CACNA1S: variants seen among roughly 807,000 people sequenced by gnomAD.
CACNA1S encodes calcium voltage-gated channel subunit alpha1 S, also known as voltage-dependent L-type calcium channel subunit alpha-1S.
Under a neutral mutation model 207.4 loss-of-function variants are expected in CACNA1S, and 126 were observed. That is an observed-to-expected ratio of 0.61 (90% confidence interval 0.53 to 0.70). The LOEUF (loss-of-function observed/expected upper bound fraction) is 0.70, where lower values mean the gene tolerates loss of function less well. Among genes scored for constraint, CACNA1S ranks in the 30% least tolerant of loss-of-function variants. The probability of loss-of-function intolerance (pLI) is 0.00; values close to 1 mark genes in which losing one functional copy is unlikely to be tolerated. For synonymous variants in CACNA1S, 960 were observed against 932.7 expected (o/e 1.03, Z -0.53); for missense variants, 2,349 against 2,422.8 (o/e 0.97, Z 0.64).
At chr1:201,062,577 T>G in intron 22 of CACNA1S, 63 bp from the exon 23 acceptor site, 1 of 1,509,514 alleles carries the variant, frequency 6.6e-7, no homozygotes, top group Non-Finnish European at 9.1e-7. Context: ...GATAGAAAAG[T>G]GGGCTCTGGG....
chr1:201,069,559 A>G lies in CACNA1S; in HGVS notation c.2403T>C (p.Phe801=), dbSNP rs7415038. The G allele has an allele frequency of 0.42, 657,909 of 1,570,430 alleles. 147,909 individuals are homozygous for G. The highest frequency in any genetic ancestry group is 0.53 in the African/African-American group (39,466 of 74,480). ...LCHRIVNATW[F]TNFILLFILL... Reference sequence around the variant, plus strand: ...GGATGAAGAGCAGGATGAAGTTGGTAAACCAGGTGGCATTGACGATGCGGT... The same window carrying G: ...GGATGAAGAGCAGGATGAAGTTGGTGAACCAGGTGGCATTGACGATGCGGT... Residue 801 remains phenylalanine, a synonymous_variant, in exon 18 of 44, where the codon TTT becomes TTC. Coordinates refer to ENST00000362061, the MANE Select transcript of CACNA1S (RefSeq NM_000069.3).
intron 2 of CACNA1S, among the ~76,000 whole-genome samples, chr1:201,102,757 G>C (rs1444256383): frequency 6.6e-6 from 1 of 152,204 alleles, no homozygotes; most frequent in Non-Finnish European, 1.5e-5. Context: ...TAGACAGTTT[G>C]ATTCCAGACT....
chr1:201,060,049 C>T (rs552649646), intron 26 of CACNA1S, among the ~76,000 whole-genome samples: 6 of 152,324 alleles, frequency 3.9e-5, no homozygotes, highest in Admixed American at 1.3e-4. Context: ...TGATCCTCTG[C>T]GACCTGGGCC....
chr1:201,100,329 G>A (rs113050401), intron 2 of CACNA1S, among the ~76,000 whole-genome samples: 183 of 152,356 alleles, frequency 1.2e-3, no homozygotes, highest in Non-Finnish European at 2.1e-3. Context: ...AAGCAACAGC[G>A]TTTCTGGTAG....
At chr1:201,085,168 T>G in intron 8 of CACNA1S, 137 bp from the exon 9 acceptor site, 1 of 766,676 alleles carries the variant, frequency 1.3e-6, no homozygotes, top group East Asian at 2.5e-5. Context: ...CTGGATTGCT[T>G]CGTGCTTTCC....
chr1:201,046,545 T>G (rs1254019222), intron 38 of CACNA1S, among the ~76,000 whole-genome samples: 1 of 147,370 alleles, frequency 6.8e-6, no homozygotes, highest in African/African-American at 2.6e-5. Flanking sequence ...GAACTGTTCT[T>G]TTTTTTTTTT....
At chr1:201,088,735 T>C (rs1662119352) in intron 6 of CACNA1S, among the ~76,000 whole-genome samples, 1 of 152,202 alleles carries the variant, frequency 6.6e-6, no homozygotes, top group Admixed American at 6.5e-5. Context: ...AAACACCAAA[T>C]AAATAATATA....
intron 36 of CACNA1S, 75 bp downstream of exon 36, chr1:201,048,507 G>C: frequency 7.9e-7 from 1 of 1,259,952 alleles, no homozygotes; most frequent in Middle Eastern, 1.9e-4. Flanking sequence ...CTTGAGCTCT[G>C]AGAATCTGGC....
Position 201,062,428 on chromosome 1 carries a change from G to A in CACNA1S, c.2906+34C>T, listed in dbSNP as rs368246614. On this transcript the variant is annotated intron_variant, in intron 23 of 43. Transcript: ENST00000362061. Reference sequence around the variant, plus strand: ...ACTGTCCCACCATGCTCCCTGCCCCGTGACCGTCCCACTGTGCTCCCTGCC... The same window carrying A: ...ACTGTCCCACCATGCTCCCTGCCCCATGACCGTCCCACTGTGCTCCCTGCC... 83 of 1,604,930 alleles carry A rather than the reference G, an allele frequency of 5.2e-5. 1 individual carries two copies. The highest frequency in any genetic ancestry group is 4.2e-4 in the South Asian group (38 of 90,880).
chr1:201,109,377 G>T (rs1465700536), intron 2 of CACNA1S, among the ~76,000 whole-genome samples: 1 of 152,056 alleles, frequency 6.6e-6, no homozygotes, highest in Non-Finnish European at 1.5e-5. Context: ...CTTTTAAATG[G>T]GTCTAATAAT....
In CACNA1S at chr1:201,066,692, C is replaced by T. The variant is rs925726380; in HGVS notation, c.2657+195G>A. 2.0e-5 allele frequency among the ~76,000 whole-genome samples: 3 copies of T among 152,230 alleles called. No homozygotes were observed. The highest frequency in any genetic ancestry group is 4.8e-5 in the African/African-American group (2 of 41,464). On this transcript the variant is annotated intron_variant, in intron 20 of 43. Coordinates refer to ENST00000362061, the MANE Select transcript of CACNA1S (RefSeq NM_000069.3). This position sits in a 1 kb window ranked among gnomAD's most constrained non-coding sequence, Gnocchi z 4.3. Reference sequence around the variant, plus strand: ...TCTCCTGCCAGTCTCTAGAACAGAGCGCTGCCCACTTCACTGGTGGCAACC... The same window carrying T: ...TCTCCTGCCAGTCTCTAGAACAGAGTGCTGCCCACTTCACTGGTGGCAACC...
chr1:201,073,457 A>C, intron 15 of CACNA1S, 92 bp downstream of exon 15: 1 of 1,065,324 alleles, frequency 9.4e-7, no homozygotes. Context: ...CTACCTCCCC[A>C]CCCTACCCCA....
chr1:201,100,119 T>C (rs1326826776), intron 2 of CACNA1S, among the ~76,000 whole-genome samples: 1 of 152,212 alleles, frequency 6.6e-6, no homozygotes, highest in African/African-American at 2.4e-5. Flanking sequence ...GTGATCCCTC[T>C]CCATCCCAGA....
In CACNA1S at chr1:201,058,434, T is replaced by G; in HGVS notation, c.3583A>C (p.Ile1195Leu). The change falls in exon 28 of 44, where the codon ATT becomes CTT. Residue 1195 changes from isoleucine (I) to leucine (L), a missense_variant. By Grantham distance (5) the Ile-to-Leu change is conservative. Coordinates refer to ENST00000362061, the MANE Select transcript of CACNA1S (RefSeq NM_000069.3). The stretch of plus-strand genomic sequence containing the variant: ...TCGATCTCACTGAGGATGACATCAA[T>G]GATGCTGCCAATGACAATCAGGAAG... Reference protein sequence around the residue: ...FDFLIVIGSIIDVILSEIDTF... With the variant: ...FDFLIVIGSILDVILSEIDTF... 5.0e-6 allele frequency: 8 copies of G among 1,614,140 alleles called. No individual in the cohort carries two copies. Among genetic ancestry groups the G allele is most frequent in the Non-Finnish European group, 6.8e-6 (8 of 1,179,954 alleles).
intron 16 of CACNA1S, among the ~76,000 whole-genome samples, chr1:201,072,112 G>T (rs1661452100): frequency 6.6e-6 from 1 of 152,198 alleles, no homozygotes; most frequent in Non-Finnish European, 1.5e-5. Flanking sequence ...CCAGGGCTCT[G>T]TCAGGTGGCC....
intron 29 of CACNA1S, 38 bp downstream of exon 29, chr1:201,054,467 G>A (rs1239231129): frequency 2.5e-6 from 4 of 1,604,936 alleles, no homozygotes; most frequent in South Asian, 2.2e-5. Context: ...GCAGGAGCTG[G>A]TGAGCGTGCC....
Position 201,061,931 on chromosome 1 carries a change from A to G in CACNA1S, c.3053+13T>C, listed in dbSNP as rs41267501. On this transcript the variant is annotated intron_variant, in intron 24 of 43. Coordinates refer to ENST00000362061, the MANE Select transcript of CACNA1S (RefSeq NM_000069.3). ...CATGTCCATGAGGGACCTAGGCCCC[A>G]GCCATCACTCACTGAGGCCATCCCT... 26,874 of 1,614,082 alleles carry G rather than the reference A, an allele frequency of 0.017. 297 individuals carry two copies. Among genetic ancestry groups the G allele is most frequent in the Middle Eastern group, 0.041 (248 of 6,062 alleles).
intron 2 of CACNA1S, among the ~76,000 whole-genome samples, chr1:201,108,432 G>A (rs1190537170): frequency 6.6e-6 from 1 of 152,102 alleles, no homozygotes; most frequent in African/African-American, 2.4e-5. Flanking sequence ...TCCAAGGTGG[G>A]GCAGAGTTTT....
intron 15 of CACNA1S, 76 bp from the exon 16 acceptor site, chr1:201,072,900 G>T: frequency 9.4e-7 from 1 of 1,063,616 alleles, no homozygotes; most frequent in Non-Finnish European, 1.5e-6. Flanking sequence ...ATACTGGAGA[G>T]CCTGTTAGCG....
Sources: gnomAD v4.1 joint callset for allele counts (sites outside exome capture counted in the v4.1 genomes callset) on GRCh38, gnomAD v4.1.1 for gene constraint, Gnocchi (gnomAD v3.1) non-coding constraint, MANE v1.5 for transcripts, NCBI Gene and HGNC (gene_info 2026-07-23, HGNC 2026-07-21) for gene names.